KCNQ1OT1: variants seen among roughly 807,000 people sequenced by gnomAD.
KCNQ1OT1 encodes KCNQ1 opposite strand/antisense transcript 1, also known as KCNQ1 antisense RNA 2 (non-protein coding).
exon 1 of KCNQ1OT1, chr11:2,646,307 C>T (rs949009905): frequency 2.5e-6 from 1 of 398,460 alleles, no homozygotes; most frequent in Admixed American, 4.4e-5. Flanking sequence ...TAAATATGAT[C>T]ATTTTAACAT....
In KCNQ1OT1 at chr11:2,608,634, A is replaced by G; in HGVS notation, n.91361T>C. On this transcript the variant is annotated non_coding_transcript_exon_variant, in exon 1 of 1. Transcript: ENST00000597346. The surrounding 1 kb of genome is among the most constrained non-coding windows in gnomAD (Gnocchi z 4.6). ...GCACCACAACACCAGCTGTTATTCA[A>G]AAAATATTTTGTAGAGATAGGGTCT... The G allele has an allele frequency of 2.5e-6, 1 of 398,478 alleles. No individual in the cohort carries two copies. Among genetic ancestry groups the G allele is most frequent in the African/African-American group, 2.1e-5 (1 of 48,684 alleles). 24.7% of individuals were successfully genotyped at this position (398,478 alleles called of 1,614,324 possible).
In KCNQ1OT1 at chr11:2,613,088, G is replaced by T; in HGVS notation, n.86907C>A. On this transcript the variant is annotated non_coding_transcript_exon_variant, in exon 1 of 1. Transcript: ENST00000597346. This position sits in a 1 kb window ranked among gnomAD's most constrained non-coding sequence, Gnocchi z 4.8. Reference sequence around the variant, plus strand: ...TAACCTAGTGGTCAAGCCATGATTAGTCAGACATTTGTTTAAACATCTTGA... The same window carrying T: ...TAACCTAGTGGTCAAGCCATGATTATTCAGACATTTGTTTAAACATCTTGA... 1 of 398,614 alleles carries T rather than the reference G, an allele frequency of 2.5e-6. No homozygotes were observed. The allele number at this position is 398,614 out of a possible 1,614,324, so 24.7% of individuals were successfully genotyped here. A position where few individuals can be genotyped will look rare whatever the true frequency, so the allele number is the denominator to read the frequency against.
chr11:2,691,108 G>A lies in KCNQ1OT1; in HGVS notation n.8887C>T. On this transcript the variant is annotated non_coding_transcript_exon_variant, in exon 1 of 1. Coordinates refer to ENST00000597346, the Ensembl canonical transcript of KCNQ1OT1. This position sits in a 1 kb window ranked among gnomAD's most constrained non-coding sequence, Gnocchi z 6.4. Reference sequence around the variant, plus strand: ...GCCTGCAGATTCCTGACAACAGTAGGGGTGGAGGCTGTGCAGACCTGGTGC... The same window carrying A: ...GCCTGCAGATTCCTGACAACAGTAGAGGTGGAGGCTGTGCAGACCTGGTGC... 1 of 398,692 alleles carries A rather than the reference G, an allele frequency of 2.5e-6. No individual in the cohort carries two copies. Among genetic ancestry groups the A allele is most frequent in the Non-Finnish European group, 4.4e-6 (1 of 226,114 alleles). 24.7% of individuals were successfully genotyped at this position (398,692 alleles called of 1,614,324 possible). A position where few individuals can be genotyped will look rare whatever the true frequency, so the allele number is the denominator to read the frequency against.
At position 2,624,121 on chromosome 11, in the gene KCNQ1OT1, GTAGATA is replaced by G. The variant is rs1329982941; in HGVS notation, n.75868_75873del. ...GAATTTTGGCCATTCTAATAAGCGT[GTAGATA>G]TATCACATTTCTTGTTTTAATTTCC... On this transcript the variant is annotated non_coding_transcript_exon_variant, in exon 1 of 1. Transcript: ENST00000597346. The surrounding 1 kb of genome is among the most constrained non-coding windows in gnomAD (Gnocchi z 4.9). The G allele has an allele frequency of 1.3e-5, 5 of 398,404 alleles. No homozygotes were observed. The highest frequency in any genetic ancestry group is 2.2e-5 in the Non-Finnish European group (5 of 226,046). The allele number at this position is 398,404 out of a possible 1,614,324, so 24.7% of individuals were successfully genotyped here.
chr11:2,612,296 A>G lies in KCNQ1OT1; in HGVS notation n.87699T>C. 2.5e-6 allele frequency: 1 copy of G among 398,600 alleles called. No homozygotes were observed. The highest frequency in any genetic ancestry group is 4.4e-6 in the Non-Finnish European group (1 of 226,078). 24.7% of individuals were successfully genotyped at this position (398,600 alleles called of 1,614,324 possible). ...AGCATGTGAGGGATCTAGGTTGTGC[A>G]CTCCGTATGAGAATCTAACTAAAGC... On this transcript the variant is annotated non_coding_transcript_exon_variant, in exon 1 of 1. Coordinates refer to ENST00000597346, the Ensembl canonical transcript of KCNQ1OT1. The surrounding 1 kb of genome is among the most constrained non-coding windows in gnomAD (Gnocchi z 5.5).
At position 2,673,365 on chromosome 11, in the gene KCNQ1OT1, A is replaced by G. The variant is rs1012114487; in HGVS notation, n.26630T>C. On this transcript the variant is annotated non_coding_transcript_exon_variant, in exon 1 of 1. Coordinates refer to ENST00000597346, the Ensembl canonical transcript of KCNQ1OT1. The surrounding 1 kb of genome is among the most constrained non-coding windows in gnomAD (Gnocchi z 4.5). Reference sequence around the variant, plus strand: ...TCTCATTAGCAAACAAAGGGAAGTGACAGAGCAGAGCTCCCCTTGGCCTTT... The same window carrying G: ...TCTCATTAGCAAACAAAGGGAAGTGGCAGAGCAGAGCTCCCCTTGGCCTTT... 3.3e-5 allele frequency: 13 copies of G among 398,712 alleles called. No homozygotes were observed. Among genetic ancestry groups the G allele is most frequent in the African/African-American group, 2.7e-4 (13 of 48,766 alleles). 24.7% of individuals were successfully genotyped at this position (398,712 alleles called of 1,614,324 possible).
exon 1 of KCNQ1OT1, chr11:2,656,068 G>A (rs1849841574): frequency 7.5e-6 from 3 of 398,522 alleles, no homozygotes; most frequent in Non-Finnish European, 1.3e-5. Context: ...TCAGGCTTTG[G>A]AGATGGGCAC....
exon 1 of KCNQ1OT1, chr11:2,619,286 A>C (rs1849123961): frequency 5.0e-6 from 2 of 398,436 alleles, no homozygotes; most frequent in Non-Finnish European, 8.8e-6. Flanking sequence ...GTTTTCCCTC[A>C]TTGATTATAA....
Position 2,669,773 on chromosome 11 carries a change from G to T in KCNQ1OT1, n.30222C>A, listed in dbSNP as rs1850148116. ...CATAGAATGTCTCTTTGTGATGGGA[G>T]ATCCTGTGGGGACATTCCTTATTTG... On this transcript the variant is annotated non_coding_transcript_exon_variant, in exon 1 of 1. Coordinates refer to ENST00000597346, the Ensembl canonical transcript of KCNQ1OT1. This position sits in a 1 kb window ranked among gnomAD's most constrained non-coding sequence, Gnocchi z 5.6. The T allele has an allele frequency of 5.0e-6, 2 of 398,566 alleles. No homozygotes were observed. The highest frequency in any genetic ancestry group is 2.5e-4 in the South Asian group (2 of 7,860). The allele number at this position is 398,566 out of a possible 1,614,324, so 24.7% of individuals were successfully genotyped here.
exon 1 of KCNQ1OT1, chr11:2,694,764 C>A (rs766564175): frequency 2.5e-6 from 1 of 398,414 alleles, no homozygotes; most frequent in Non-Finnish European, 4.4e-6. Context: ...ACTAGAAAAG[C>A]GTAGCCTGTG....
exon 1 of KCNQ1OT1, chr11:2,688,859 C>T: frequency 2.5e-6 from 1 of 399,128 alleles, no homozygotes; most frequent in East Asian, 3.6e-5. Context: ...GAGGGCTGGG[C>T]CAGAGGTCAT....
exon 1 of KCNQ1OT1, chr11:2,660,763 C>A: frequency 2.5e-6 from 1 of 398,592 alleles, no homozygotes; most frequent in Non-Finnish European, 4.4e-6. Flanking sequence ...GCTGGGGGAG[C>A]CTGAATTGCT....
At chr11:2,616,856 T>A (rs1849073777) in exon 1 of KCNQ1OT1, 1 of 398,164 alleles carries the variant, frequency 2.5e-6, no homozygotes, top group Non-Finnish European at 4.4e-6. Flanking sequence ...GAATGTGTAG[T>A]TGGGTGGAGT....
In KCNQ1OT1 at chr11:2,673,257, G is replaced by A. The variant is rs754530532; in HGVS notation, n.26738C>T. The A allele has an allele frequency of 7.5e-6, 3 of 398,574 alleles. No homozygotes were observed. Among genetic ancestry groups the A allele is most frequent in the Non-Finnish European group, 1.3e-5 (3 of 226,104 alleles). 24.7% of individuals were successfully genotyped at this position (398,574 alleles called of 1,614,324 possible). A position where few individuals can be genotyped will look rare whatever the true frequency, so the allele number is the denominator to read the frequency against. On this transcript the variant is annotated non_coding_transcript_exon_variant, in exon 1 of 1. Coordinates refer to ENST00000597346, the Ensembl canonical transcript of KCNQ1OT1. This position sits in a 1 kb window ranked among gnomAD's most constrained non-coding sequence, Gnocchi z 4.5. Reference sequence around the variant, plus strand: ...TTCTGGGGACTGGGTGATGCAGACTGCAAAGCCTCAGCCACCTTCTCCCCT... The same window carrying A: ...TTCTGGGGACTGGGTGATGCAGACTACAAAGCCTCAGCCACCTTCTCCCCT...
At position 2,654,676 on chromosome 11, in the gene KCNQ1OT1, G is replaced by A; in HGVS notation, n.45319C>T. On this transcript the variant is annotated non_coding_transcript_exon_variant, in exon 1 of 1. Transcript: ENST00000597346. This position sits in a 1 kb window ranked among gnomAD's most constrained non-coding sequence, Gnocchi z 6.4. ...GGCAGAGGGCAGCAGAGATGGGCTG[G>A]AGCTTTGAGCTTTGTCATAGGCTGG... 2.5e-6 allele frequency: 1 copy of A among 398,900 alleles called. No individual in the cohort carries two copies. The highest frequency in any genetic ancestry group is 4.4e-5 in the Admixed American group (1 of 22,738). 24.7% of individuals were successfully genotyped at this position (398,900 alleles called of 1,614,324 possible). A position where few individuals can be genotyped will look rare whatever the true frequency, so the allele number is the denominator to read the frequency against.
exon 1 of KCNQ1OT1, chr11:2,680,048 C>G: frequency 2.5e-6 from 1 of 396,256 alleles, no homozygotes; most frequent in African/African-American, 2.1e-5. Context: ...CATCTGCCAC[C>G]ATGACTGGCT....
Position 2,652,486 on chromosome 11 carries a change from T to A in KCNQ1OT1, n.47509A>T. 2.5e-6 allele frequency: 1 copy of A among 398,576 alleles called. No homozygotes were observed. Among genetic ancestry groups the A allele is most frequent in the Non-Finnish European group, 4.4e-6 (1 of 226,042 alleles). 24.7% of individuals were successfully genotyped at this position (398,576 alleles called of 1,614,324 possible). ...ACCTCCAGAAACTTTCCTCCCCACC[T>A]CTCCAGAGGTTTCTGGGGAATGTCC... is the stretch of plus-strand genomic sequence containing the variant. On this transcript the variant is annotated non_coding_transcript_exon_variant, in exon 1 of 1. Coordinates refer to ENST00000597346, the Ensembl canonical transcript of KCNQ1OT1. This position sits in a 1 kb window ranked among gnomAD's most constrained non-coding sequence, Gnocchi z 5.9.
rs1310603224 is a variant in KCNQ1OT1, at chr11:2,658,884, AC to A, written n.41110del. 5.0e-6 allele frequency: 2 copies of A among 398,278 alleles called. No homozygotes were observed. The highest frequency in any genetic ancestry group is 8.8e-6 in the Non-Finnish European group (2 of 226,014). 24.7% of individuals were successfully genotyped at this position (398,278 alleles called of 1,614,324 possible). A position where few individuals can be genotyped will look rare whatever the true frequency, so the allele number is the denominator to read the frequency against. ...TACAGTTCATTTACTTATTTGTGTA[AC>A]CCTATTGTACACGTAGTACCCTATG... On this transcript the variant is annotated non_coding_transcript_exon_variant, in exon 1 of 1. Coordinates refer to ENST00000597346, the Ensembl canonical transcript of KCNQ1OT1. This position sits in a 1 kb window ranked among gnomAD's most constrained non-coding sequence, Gnocchi z 4.9.
In KCNQ1OT1 at chr11:2,676,482, G is replaced by C. The variant is rs1850296828; in HGVS notation, n.23513C>G. 2 of 398,530 alleles carry C rather than the reference G, an allele frequency of 5.0e-6. No homozygotes were observed. The highest frequency in any genetic ancestry group is 8.8e-5 in the Admixed American group (2 of 22,706). 24.7% of individuals were successfully genotyped at this position (398,530 alleles called of 1,614,324 possible). On this transcript the variant is annotated non_coding_transcript_exon_variant, in exon 1 of 1. Transcript: ENST00000597346. The surrounding 1 kb of genome is among the most constrained non-coding windows in gnomAD (Gnocchi z 4.2). ...CAGATTGTTAGCTGTAGTCTTTCTG[G>C]CATCAGTTCCATTTCTGGTGAACAC...
Sources: gnomAD v4.1 joint callset for allele counts on GRCh38, gnomAD v4.1.1 for gene constraint, Gnocchi (gnomAD v3.1) non-coding constraint, MANE v1.5 for transcripts, NCBI Gene and HGNC (gene_info 2026-07-23, HGNC 2026-07-21) for gene names.